CAPRIN2: variants seen among roughly 807,000 people sequenced by gnomAD.
CAPRIN2 encodes caprin-2.
A neutral mutation model predicts 130.4 loss-of-function variants in CAPRIN2; 66 were observed. The observed-to-expected ratio is 0.51, with a 90% confidence interval of 0.42 to 0.62. The LOEUF (loss-of-function observed/expected upper bound fraction) is 0.62, where lower values mean the gene tolerates loss of function less well. CAPRIN2 is among the 20% of genes least tolerant of loss of function. The probability of loss-of-function intolerance (pLI) is 0.00; values close to 1 mark genes in which losing one functional copy is unlikely to be tolerated. For synonymous variants in CAPRIN2, 471 were observed against 444.1 expected, an observed-to-expected ratio of 1.06 and a Z score of -0.76; for missense variants, 1,185 against 1,246.6, an observed-to-expected ratio of 0.95 and a Z score of 0.74.
intron 12 of CAPRIN2, 96 bp from the exon 15 acceptor site, chr12:30,716,772 T>G: frequency 9.1e-7 from 1 of 1,096,054 alleles, no homozygotes; most frequent in Non-Finnish European, 1.3e-6. Flanking sequence ...AAACTTCTAT[T>G]TTGCAGGCAA....
chr12:30,734,886 ACTCT>A (rs878972704), intron 4 of CAPRIN2, 78 bp downstream of exon 5: 56 of 565,180 alleles, frequency 9.9e-5, no homozygotes, highest in South Asian at 2.5e-4. Context: ...ACACACACAC[ACTCT>A]CTCTCTCACA....
At chr12:30,726,032 T>C (rs371503619) in exon 9 of CAPRIN2, 6 of 1,600,542 alleles carry the variant, frequency 3.7e-6, no homozygotes, top group Non-Finnish European at 5.1e-6. Flanking sequence ...TCCTCAATAC[T>C]GGATCCTTCG....
intron 2 of CAPRIN2, among the ~76,000 whole-genome samples, chr12:30,744,829 GAT>G (rs2139381860): frequency 6.6e-6 from 1 of 152,260 alleles, no homozygotes; most frequent in African/African-American, 2.4e-5. Flanking sequence ...TCCTAGAGTA[GAT>G]ACTTAATATA....
rs371864898 is a variant in CAPRIN2 at position 30,720,802 on chromosome 12, G to A, written c.2148+9C>T. The A allele has an allele frequency of 6.0e-6, 9 of 1,504,076 alleles. No homozygotes were observed. Among genetic ancestry groups the A allele is most frequent in the Non-Finnish European group, 8.3e-6 (9 of 1,081,026 alleles). 93.2% of individuals were successfully genotyped at this position (1,504,076 alleles called of 1,614,324 possible). ...GATACAAAAGAAATTAAGACAATTG[G>A]TCTTTTACCTCAGGAGTCTCTGAGG... On this transcript the variant is annotated intron_variant, in intron 12 of 16. Coordinates refer to ENST00000298892, the Ensembl canonical transcript of CAPRIN2.
intron 2 of CAPRIN2, among the ~76,000 whole-genome samples, chr12:30,742,811 G>A (rs920248825): frequency 6.6e-6 from 1 of 152,074 alleles, no homozygotes; most frequent in African/African-American, 2.4e-5. Flanking sequence ...TGAGAGTTGG[G>A]ATCTGGTGCT....
chr12:30,733,805 A>G lies in CAPRIN2; in HGVS notation c.810-94T>C, dbSNP rs1012857768. ...ATGCAATATAACCCATTAACAGACA[A>G]GACATTCAAATGTTAATTTTGTCTT... On this transcript the variant is annotated intron_variant, in intron 4 of 16. Coordinates refer to ENST00000298892, the Ensembl canonical transcript of CAPRIN2. 18 of 807,260 alleles carry G rather than the reference A, an allele frequency of 2.2e-5. No homozygotes were observed. The African/African-American group carries it at 2.8e-4, about 12-fold the overall frequency. 50.0% of individuals were successfully genotyped at this position (807,260 alleles called of 1,614,324 possible).
intron 8 of CAPRIN2, among the ~76,000 whole-genome samples, chr12:30,726,666 C>CT (rs201680963): frequency 6.6e-6 from 1 of 152,120 alleles, no homozygotes; most frequent in East Asian, 1.9e-4. Flanking sequence ...TTTACAGTTA[C>CT]TTTTTATAGC....
At chr12:30,740,823 T>G (rs1404348528) in intron 3 of CAPRIN2, among the ~76,000 whole-genome samples, 197 bp downstream of exon 4, 2 of 152,226 alleles carry the variant, frequency 1.3e-5, no homozygotes, top group Non-Finnish European at 2.9e-5. Flanking sequence ...ATGCCATTTG[T>G]GTTCTCCCTT....
At chr12:30,728,521 C>T (rs2061596806) in intron 8 of CAPRIN2, 127 bp downstream of exon 9, 3 of 762,564 alleles carry the variant, frequency 3.9e-6, no homozygotes, top group Non-Finnish European at 6.1e-6. Context: ...TGCCACTGCA[C>T]TCCAGCCTGG....
chr12:30,753,402 T>C (rs765639272), exon 1 of CAPRIN2: 15 of 1,613,804 alleles, frequency 9.3e-6, no homozygotes, highest in East Asian at 4.5e-5. Flanking sequence ...ATTTTCAATA[T>C]AGGTCTCATA....
intron 8 of CAPRIN2, among the ~76,000 whole-genome samples, chr12:30,726,584 A>G (rs902457844): frequency 3.0e-4 from 46 of 152,198 alleles, no homozygotes; most frequent in African/African-American, 1.1e-3. Context: ...TTATAAAGTA[A>G]GTACACTCTT....
intron 2 of CAPRIN2, among the ~76,000 whole-genome samples, chr12:30,749,026 T>C (rs2139734306): frequency 6.6e-6 from 1 of 152,172 alleles, no homozygotes; most frequent in African/African-American, 2.4e-5. Flanking sequence ...AATGGGGAAG[T>C]GGAGGTATAG....
At chr12:30,729,801 C>A (rs565310000) in intron 7 of CAPRIN2, among the ~76,000 whole-genome samples, 1 of 152,292 alleles carries the variant, frequency 6.6e-6, no homozygotes, top group African/African-American at 2.4e-5. Context: ...TTTGAATCTC[C>A]CATTCTTTTC....
chr12:30,746,192 A>G (rs1375732842), intron 2 of CAPRIN2, among the ~76,000 whole-genome samples: 2 of 152,238 alleles, frequency 1.3e-5, no homozygotes, highest in African/African-American at 4.8e-5. Flanking sequence ...TAGGGCAGTG[A>G]AAGTATTCTG....
At chr12:30,754,764 C>G (rs1194194681), upstream of CAPRIN2, 3 of 153,352 alleles carry the variant, frequency 2.0e-5, no homozygotes, top group African/African-American at 7.2e-5. Flanking sequence ...CCCAGGCAGC[C>G]GAGGCCGCCG....
Position 30,724,317 on chromosome 12 carries a change from A to G in CAPRIN2, c.1987+53T>C. 3 of 1,048,366 alleles carry G rather than the reference A, an allele frequency of 2.9e-6. No individual in the cohort carries two copies. The South Asian group carries it at 3.9e-5, about 14-fold the overall frequency. The allele number at this position is 1,048,366 out of a possible 1,614,324, so 64.9% of individuals were successfully genotyped here. A position where few individuals can be genotyped will look rare whatever the true frequency, so the allele number is the denominator to read the frequency against. On this transcript the variant is annotated intron_variant, in intron 10 of 16. Coordinates refer to ENST00000298892, the Ensembl canonical transcript of CAPRIN2. ...AATCATTTGAAAAGACAACAACAACAAATAGCTGTTAGCTCAAGACGTTTG... is the reference window on the plus strand; with the variant it reads ...AATCATTTGAAAAGACAACAACAACGAATAGCTGTTAGCTCAAGACGTTTG...
intron 15 of CAPRIN2, 159 bp from the exon 18 acceptor site, chr12:30,711,788 A>G (rs1371583271): frequency 2.8e-6 from 2 of 711,082 alleles, no homozygotes; most frequent in Non-Finnish European, 5.1e-6. Flanking sequence ...AAACACTAAG[A>G]AAAACAAAGC....
chr12:30,716,390 A>G lies in CAPRIN2; in HGVS notation c.2317+118T>C, dbSNP rs537244280. 1.9e-4 allele frequency: 171 copies of G among 905,526 alleles called. No individual in the cohort carries two copies. In the African/African-American group the frequency reaches 2.8e-3, roughly 15 times the overall value. 56.1% of individuals were successfully genotyped at this position (905,526 alleles called of 1,614,324 possible). ...CAACACTGGAGGAACATGTAAAGAA[A>G]TAATGCTTACTGGTCAGGAAAATAC... On this transcript the variant is annotated intron_variant, in intron 13 of 16. Transcript: ENST00000298892.
At chr12:30,728,393 A>T in intron 8 of CAPRIN2, 2 of 355,180 alleles carry the variant, frequency 5.6e-6, no homozygotes, top group Admixed American at 8.9e-5. Flanking sequence ...TCTCTACTAA[A>T]AATACAAAAA....
Sources: allele counts gnomAD v4.1 joint callset (sites outside exome capture counted in the v4.1 genomes callset), GRCh38; gene constraint gnomAD v4.1.1; transcripts MANE v1.5; gene names NCBI Gene and HGNC (gene_info 2026-07-23, HGNC 2026-07-21).